PDK3: variants seen among roughly 807,000 people sequenced by gnomAD.
PDK3 encodes the protein pyruvate dehydrogenase kinase, isozyme 3.
Under a neutral mutation model 32.0 loss-of-function variants are expected in PDK3, and 12 were observed. That is an observed-to-expected ratio of 0.37 (90% CI 0.24 to 0.61). PDK3 has a LOEUF of 0.61. PDK3 is among the 20% of genes least tolerant of loss of function. The pLI, the probability that PDK3 is intolerant of heterozygous loss-of-function variation, is 0.65. For missense variants in PDK3, 188 were observed against 316.9 expected (o/e 0.59, Z 3.09); for synonymous variants, 122 against 116.3 (o/e 1.05, Z -0.31).
intron 1 of PDK3, among the ~76,000 whole-genome samples, chrX:24,488,663 C>T (rs1421118650): frequency 1.8e-5 from 2 of 112,114 alleles, no homozygotes; most frequent in Non-Finnish European, 1.9e-5. Flanking sequence ...CGCCACTGCA[C>T]TCCAGCCTGG....
downstream of PDK3, among the ~76,000 whole-genome samples, chrX:24,535,504 C>CA (rs778785042): frequency 0.18 from 9,995 of 55,230 alleles, 952 homozygotes; most frequent in African/African-American, 0.33. Flanking sequence ...GACTCCATCT[C>CA]AAAAAAAAAA....
intron 1 of PDK3, among the ~76,000 whole-genome samples, chrX:24,478,942 A>G (rs1921180120): frequency 8.9e-6 from 1 of 111,804 alleles, no homozygotes; most frequent in Non-Finnish European, 1.9e-5. Context: ...TCTCTCTAAC[A>G]TTTTCCCATA....
At chrX:24,498,709 A>T in intron 2 of PDK3, 120 bp from the exon 3 acceptor site, 2 of 400,179 alleles carry the variant, frequency 5.0e-6, no homozygotes, top group Middle Eastern at 7.5e-4. Flanking sequence ...GGGGATGCGG[A>T]TGGGATGGAG....
At chrX:24,525,114 G>A (rs1416297243) in intron 6 of PDK3, among the ~76,000 whole-genome samples, 2 of 111,654 alleles carry the variant, frequency 1.8e-5, no homozygotes, top group Admixed American at 9.5e-5. Context: ...CCGAGATGGC[G>A]CCACTGCACT....
intron 3 of PDK3, among the ~76,000 whole-genome samples, chrX:24,499,648 T>C (rs1921803743): frequency 8.9e-6 from 1 of 111,930 alleles, no homozygotes; most frequent in Admixed American, 9.5e-5. Flanking sequence ...AAACACCATG[T>C]TATACAAGCA....
intron 5 of PDK3, 52 bp from the exon 6 acceptor site, chrX:24,518,877 ACACG>A (rs1197087362): frequency 5.0e-6 from 3 of 603,544 alleles, no homozygotes; most frequent in Non-Finnish European, 5.1e-6. Flanking sequence ...ACACACACAC[ACACG>A]CTTGTGCCTA....
chrX:24,531,342 G>C (rs1602128431), intron 9 of PDK3, among the ~76,000 whole-genome samples: 1 of 112,053 alleles, frequency 8.9e-6, no homozygotes, highest in Non-Finnish European at 1.9e-5. Flanking sequence ...TTACAGGCGT[G>C]AGCCACTGTG....
At chrX:24,487,261 A>T (rs145948742) in intron 1 of PDK3, among the ~76,000 whole-genome samples, 3,522 of 112,273 alleles carry the variant, frequency 0.031, 79 homozygotes, top group South Asian at 0.2. Context: ...GACTTATTCT[A>T]AAATTCAGTG....
intron 6 of PDK3, among the ~76,000 whole-genome samples, chrX:24,523,715 C>T (rs778904245): frequency 4.5e-5 from 5 of 111,717 alleles, no homozygotes; most frequent in South Asian, 3.8e-4. Flanking sequence ...TGTTACCCTG[C>T]AGCAAAGCCC....
At chrX:24,541,869 T>C (rs2148207220) in exon 12 of PDK3, among the ~76,000 whole-genome samples, 1 of 112,767 alleles carries the variant, frequency 8.9e-6, no homozygotes, top group African/African-American at 3.2e-5. Context: ...TCCTCTGTAC[T>C]GCTCTTTCAT....
chrX:24,520,418 C>T (rs1257510266), intron 6 of PDK3, among the ~76,000 whole-genome samples: 1 of 111,675 alleles, frequency 9.0e-6, no homozygotes, highest in Non-Finnish European at 1.9e-5. Context: ...TAAAAAAATA[C>T]AGGCTACAAA....
intron 9 of PDK3, among the ~76,000 whole-genome samples, chrX:24,530,588 G>A (rs1922626702): frequency 9.0e-6 from 1 of 111,105 alleles, no homozygotes; most frequent in Non-Finnish European, 1.9e-5. Context: ...GTGACTCTGT[G>A]CACATGGTCC....
At chrX:24,489,684 C>CCA (rs1921500025) in intron 1 of PDK3, among the ~76,000 whole-genome samples, 1 of 46,720 alleles carries the variant, frequency 2.1e-5, no homozygotes, top group Non-Finnish European at 3.8e-5. Flanking sequence ...GACTCTGTCT[C>CCA]AAAAAAAAAA....
intron 1 of PDK3, among the ~76,000 whole-genome samples, chrX:24,493,406 A>G (rs1921620742): frequency 8.9e-6 from 1 of 111,823 alleles, no homozygotes; most frequent in Non-Finnish European, 1.9e-5. Context: ...ATAAACCAGA[A>G]TATGACTGGA....
chrX:24,521,110 C>T (rs752386394), intron 6 of PDK3, among the ~76,000 whole-genome samples: 1 of 109,489 alleles, frequency 9.1e-6, no homozygotes, highest in East Asian at 2.9e-4. Flanking sequence ...AAAACCTTGT[C>T]TCTACACAAA....
chrX:24,495,198 C>A lies in PDK3; in HGVS notation c.248+315C>A, dbSNP rs1338192479. Among the ~76,000 whole-genome samples, 4 of 112,169 alleles carry A rather than the reference C, an allele frequency of 3.6e-5. No individual in the cohort carries two copies. In the Admixed American group the frequency reaches 3.8e-4, roughly 11 times the overall value. On this transcript the variant is annotated intron_variant, in intron 2 of 10. Transcript: ENST00000379162. ...TATCAAGTCTTAACCTTACTCCTTTCGTTTTCCTTGTAAAGACATTCCTTG... is the reference window on the plus strand; with the variant it reads ...TATCAAGTCTTAACCTTACTCCTTTAGTTTTCCTTGTAAAGACATTCCTTG...
chrX:24,546,511 A>T (rs933580564), exon 12 of PDK3: 3 of 111,862 alleles, frequency 2.7e-5, no homozygotes, highest in Admixed American at 9.5e-5. Flanking sequence ...CCCAAAAGGA[A>T]AATAAAATGA....
At chrX:24,492,272 A>G (rs1371035481) in intron 1 of PDK3, among the ~76,000 whole-genome samples, 1 of 112,037 alleles carries the variant, frequency 8.9e-6, no homozygotes. Flanking sequence ...TGAATCCATC[A>G]TAAGTCGAAA....
chrX:24,546,143 T>C (rs1922991978), exon 12 of PDK3: 1 of 111,864 alleles, frequency 8.9e-6, no homozygotes, highest in Non-Finnish European at 1.9e-5. Context: ...TGGCTTCAGG[T>C]AGACAGAGCA....
Sources: allele counts gnomAD v4.1 joint callset (sites outside exome capture counted in the v4.1 genomes callset), GRCh38; gene constraint gnomAD v4.1.1; transcripts MANE v1.5; gene names NCBI Gene and HGNC (gene_info 2026-07-23, HGNC 2026-07-21).